Variants in SPATS2 observed in about 807,000 individuals in gnomAD.
SPATS2 encodes the protein spermatogenesis associated serine rich 2.
In SPATS2, 38 loss-of-function variants were observed where a neutral mutation model predicts 63.7. The observed-to-expected ratio is 0.60, with a 90% CI of 0.46 to 0.78. The LOEUF (loss-of-function observed/expected upper bound fraction) is 0.78, where lower values mean the gene tolerates loss of function less well. Among genes scored for constraint, SPATS2 ranks in the 30% least tolerant of loss-of-function variants. The pLI, the probability that SPATS2 is intolerant of heterozygous loss-of-function variation, is 0.00. For synonymous variants in SPATS2, 207 were observed against 232.9 expected (o/e 0.89, Z 1.01); for missense variants, 588 against 666.2 (o/e 0.88, Z 1.29).
At chr12:49,510,976 C>G (rs1367215064) in intron 9 of SPATS2, among the ~76,000 whole-genome samples, 1 of 151,980 alleles carries the variant, frequency 6.6e-6, no homozygotes, top group African/African-American at 2.4e-5. Context: ...CCCAGGCAGG[C>G]AGATCACTTG....
rs1944251907 is a variant in SPATS2, at chr12:49,383,135, A to G, written c.-244+11845A>G. Among the ~76,000 whole-genome samples the G allele has an allele frequency of 2.0e-5, 3 of 151,808 alleles. No homozygotes were observed. In the South Asian group the frequency reaches 6.2e-4, roughly 31 times the overall value. On this transcript the variant is annotated intron_variant, in intron 2 of 13. Transcript: ENST00000552918. ...CGGGTTCAAGCGATTCTCCTGCCTC[A>G]GCCTCCCGGCTAGCTGGGATTACAG...
chr12:49,504,384 A>G (rs933787966), intron 9 of SPATS2, among the ~76,000 whole-genome samples: 2 of 152,202 alleles, frequency 1.3e-5, no homozygotes, highest in South Asian at 2.1e-4. Context: ...TTTCTTGTTA[A>G]TTAGTAATAT....
At chr12:49,375,371 C>G (rs750794265) in intron 2 of SPATS2, among the ~76,000 whole-genome samples, 3 of 152,074 alleles carry the variant, frequency 2.0e-5, no homozygotes, top group African/African-American at 4.8e-5. Context: ...CTGAAAAGAC[C>G]AATTTGTAAA....
At chr12:49,427,685 C>A (rs1270411413) in intron 2 of SPATS2, among the ~76,000 whole-genome samples, 2 of 152,176 alleles carry the variant, frequency 1.3e-5, no homozygotes, top group African/African-American at 4.8e-5. Context: ...TTTAGAGTTA[C>A]AGGACTATGT....
At position 49,467,044 on chromosome 12, in the gene SPATS2, G is replaced by GTTTTTTTTTTT. The variant is rs59350335; in HGVS notation, c.25+6023_25+6033dup. Among the ~76,000 whole-genome samples the GTTTTTTTTTTT allele has an allele frequency of 7.9e-5, 6 of 75,778 alleles. 1 individual carries two copies. The highest frequency in any genetic ancestry group is 2.6e-4 in the African/African-American group (5 of 19,604). The allele number at this position is 75,778 out of a possible 152,430, so 49.7% of individuals were successfully genotyped here. A position where few individuals can be genotyped will look rare whatever the true frequency, so the allele number is the denominator to read the frequency against. On this transcript the variant is annotated intron_variant, in intron 3 of 13. Transcript: ENST00000552918. ...TTTATTGTTAAATAATTTGTTCTTT[G>GTTTTTTTTTTT]TTTTTTTTTTTTTTTTTTTTTTTTT...
chr12:49,410,920 T>C (rs1944787209), intron 2 of SPATS2, among the ~76,000 whole-genome samples: 1 of 151,234 alleles, frequency 6.6e-6, no homozygotes. Flanking sequence ...TTTTAGTGTG[T>C]TCCTGACACT....
chr12:49,467,132 T>C (rs551607729), intron 3 of SPATS2, among the ~76,000 whole-genome samples: 1 of 139,406 alleles, frequency 7.2e-6, no homozygotes, highest in Admixed American at 7.7e-5. Context: ...GACTGCAGCC[T>C]CTGCCTCCCA....
chr12:49,475,283 G>A (rs772255024), intron 3 of SPATS2, among the ~76,000 whole-genome samples: 18 of 152,058 alleles, frequency 1.2e-4, no homozygotes, highest in Non-Finnish European at 2.6e-4. Context: ...TAATATTTAG[G>A]GATATATGCT....
chr12:49,382,827 C>T (rs969969964), intron 2 of SPATS2, among the ~76,000 whole-genome samples: 1 of 152,046 alleles, frequency 6.6e-6, no homozygotes, highest in Non-Finnish European at 1.5e-5. Context: ...GGCTCAGCCT[C>T]CTGAGTAGCT....
chr12:49,396,993 T>G (rs1944523440), intron 2 of SPATS2, among the ~76,000 whole-genome samples: 1 of 152,236 alleles, frequency 6.6e-6, no homozygotes, highest in South Asian at 2.1e-4. Flanking sequence ...TTTTAGTGCC[T>G]GTGTTTTTAG....
chr12:49,420,352 G>A (rs1016096304), intron 2 of SPATS2, among the ~76,000 whole-genome samples: 8 of 152,196 alleles, frequency 5.3e-5, no homozygotes, highest in Non-Finnish European at 1.0e-4. Flanking sequence ...CCAGCAATTT[G>A]GGAGGCCGCG....
At chr12:49,439,070 T>A (rs1338354013) in intron 2 of SPATS2, among the ~76,000 whole-genome samples, 1 of 152,042 alleles carries the variant, frequency 6.6e-6, no homozygotes, top group Non-Finnish European at 1.5e-5. Context: ...GTATGTAGGA[T>A]GATTAGAGAA....
At chr12:49,450,204 C>A (rs1049433996) in intron 2 of SPATS2, among the ~76,000 whole-genome samples, 3 of 151,352 alleles carry the variant, frequency 2.0e-5, no homozygotes, top group Non-Finnish European at 4.4e-5. Context: ...TTTCCAGCCA[C>A]TCTAACAATT....
rs1847191239 is a variant in SPATS2, at chr12:49,489,489, C to G, written c.130C>G (p.Pro44Ala). The part of the protein sequence containing the change: ...EKINAVRAIV[P>A]NKSNNEIILV... ...GATAAATGCGGTACGTGCAATAGTT[C>G]CTAATAAGAGCAACAATGAAATTAT... Residue 44 changes from proline (P) to alanine (A), a missense_variant, in exon 5 of 14, where the codon CCT (proline) becomes GCT (alanine). Transcript: ENST00000552918. The G allele has an allele frequency of 6.2e-7, 1 of 1,613,586 alleles. No homozygotes were observed. The highest frequency in any genetic ancestry group is 1.3e-5 in the African/African-American group (1 of 74,898).
At chr12:49,414,935 C>CTTTTTTTT (rs199648430) in intron 2 of SPATS2, among the ~76,000 whole-genome samples, 4 of 135,914 alleles carry the variant, frequency 2.9e-5, no homozygotes, top group Admixed American at 7.1e-5. Context: ...TTTTCTTTTT[C>CTTTTTTTT]TTTTCTTTTT....
chr12:49,496,170 C>A (rs1946460390), intron 7 of SPATS2, among the ~76,000 whole-genome samples: 1 of 152,210 alleles, frequency 6.6e-6, no homozygotes, highest in African/African-American at 2.4e-5. Flanking sequence ...CTGACTCAAA[C>A]CAACAATAGC....
intron 3 of SPATS2, among the ~76,000 whole-genome samples, chr12:49,466,690 G>A (rs1945922348): frequency 6.6e-6 from 1 of 152,132 alleles, no homozygotes; most frequent in African/African-American, 2.4e-5. Flanking sequence ...GTATTGATTA[G>A]TATGGCTTTA....
chr12:49,519,080 T>G lies in SPATS2; in HGVS notation c.906T>G (p.Ile302Met), dbSNP rs1045061872. 5 of 1,613,562 alleles carry G rather than the reference T, an allele frequency of 3.1e-6. No individual in the cohort carries two copies. Among genetic ancestry groups the G allele is most frequent in the Non-Finnish European group, 3.4e-6 (4 of 1,179,804 alleles). Residue 302 changes from isoleucine (I) to methionine (M), a missense_variant, in exon 11 of 14, where the codon ATT becomes ATG. Ile to Met is a conservative substitution (Grantham distance 10). Transcript: ENST00000552918. ...CTCACTTTTCCTCTACAGTGGAAAT[T>G]TTGCTCAGCCGACAAAAGAAGGCTG... ...MDKVKAEAME[I>M]LLSRQKKAEL...
At chr12:49,461,296 G>C (rs1257270520) in intron 3 of SPATS2, 5 of 431,370 alleles carry the variant, frequency 1.2e-5, no homozygotes, top group Non-Finnish European at 2.1e-5. Flanking sequence ...ACATATGTTA[G>C]GGAGATGTGT....
Sources: gnomAD v4.1 joint callset for allele counts (sites outside exome capture counted in the v4.1 genomes callset) on GRCh38, gnomAD v4.1.1 for gene constraint, MANE v1.5 for transcripts, NCBI Gene and HGNC (gene_info 2026-07-23, HGNC 2026-07-21) for gene names.